Variants in TOX3 observed in about 807,000 individuals in gnomAD.
TOX3 encodes CAG trinucleotide repeat-containing gene F9 protein.
Under a neutral mutation model 64.3 loss-of-function variants are expected in TOX3, and 22 were observed. The observed-to-expected ratio is 0.34, with a 90% CI of 0.24 to 0.49. TOX3 has a LOEUF of 0.49. Among genes scored for constraint, TOX3 ranks in the 20% least tolerant of loss-of-function variants. The pLI is 0.99. For synonymous variants in TOX3, 291 were observed against 273.6 expected, an observed-to-expected ratio of 1.06 and a Z score of -0.63; for missense variants, 661 against 714.4, an observed-to-expected ratio of 0.93 and a Z score of 0.85.
chr16:52,458,015 C>T (rs1960572816), intron 3 of TOX3, among the ~76,000 whole-genome samples: 1 of 152,108 alleles, frequency 6.6e-6, no homozygotes. Context: ...CCTGCAACTG[C>T]CTTTGTTTTA....
intron 3 of TOX3, among the ~76,000 whole-genome samples, chr16:52,460,347 A>C (rs1178795990): frequency 6.6e-6 from 1 of 152,192 alleles, no homozygotes; most frequent in Non-Finnish European, 1.5e-5. Context: ...GGGGCATACA[A>C]AATATCAGAC....
At chr16:52,485,246 G>GTGTATATATATATA (rs1555484130) in intron 1 of TOX3, among the ~76,000 whole-genome samples, 39 of 127,858 alleles carry the variant, frequency 3.1e-4, no homozygotes, top group African/African-American at 1.1e-3. Flanking sequence ...ATGTGTGTGT[G>GTGTATATATATATA]TATATATATA....
intron 1 of TOX3, among the ~76,000 whole-genome samples, chr16:52,498,189 A>T (rs992146756): frequency 6.6e-6 from 1 of 152,176 alleles, no homozygotes; most frequent in Non-Finnish European, 1.5e-5. Flanking sequence ...CAATCATGTC[A>T]TCAACCAAAA....
Position 52,483,564 on chromosome 16 carries a change from G to GTTTTTT in TOX3, c.88-14996_88-14991dup, listed in dbSNP as rs11304815. ...TTCCTCTATTAGACAGGGCAGTTTGGTTTTTTTTTTTTTTTTTTTTTTGAG... is the reference window on the plus strand; with the variant it reads ...TTCCTCTATTAGACAGGGCAGTTTGGTTTTTTTTTTTTTTTTTTTTTTTTTTTTGAG... On this transcript the variant is annotated intron_variant, in intron 1 of 6. Coordinates refer to ENST00000219746, the MANE Select transcript of TOX3 (RefSeq NM_001080430.4). 4.5e-4 allele frequency among the ~76,000 whole-genome samples: 45 copies of GTTTTTT among 99,444 alleles called. 1 individual carries two copies. The highest frequency in any genetic ancestry group is 4.9e-4 in the African/African-American group (12 of 24,722). 65.2% of individuals were successfully genotyped at this position (99,444 alleles called of 152,430 possible). A position where few individuals can be genotyped will look rare whatever the true frequency, so the allele number is the denominator to read the frequency against.
intron 3 of TOX3, among the ~76,000 whole-genome samples, chr16:52,461,609 C>T (rs1039168104): frequency 3.3e-5 from 5 of 152,096 alleles, no homozygotes. Flanking sequence ...GCTGGCTTTT[C>T]TTCTTATATG....
intron 4 of TOX3, among the ~76,000 whole-genome samples, chr16:52,446,925 C>G (rs1489999329): frequency 6.6e-6 from 1 of 152,022 alleles, no homozygotes; most frequent in African/African-American, 2.4e-5. Flanking sequence ...AAAAAAAGAG[C>G]AATAGTTGAT....
chr16:52,478,541 A>C (rs1961282882), intron 1 of TOX3, among the ~76,000 whole-genome samples: 1 of 152,156 alleles, frequency 6.6e-6, no homozygotes, highest in Admixed American at 6.5e-5. Flanking sequence ...TTATTTGTCC[A>C]TTCACTATTT....
intron 3 of TOX3, among the ~76,000 whole-genome samples, chr16:52,463,012 T>A (rs1341827784): frequency 2.6e-5 from 4 of 152,180 alleles, no homozygotes; most frequent in Admixed American, 1.3e-4. Flanking sequence ...AATCATATGT[T>A]GTTATCTGGG....
intron 1 of TOX3, among the ~76,000 whole-genome samples, chr16:52,545,797 C>T (rs1963163802): frequency 6.6e-6 from 1 of 152,056 alleles, no homozygotes; most frequent in Non-Finnish European, 1.5e-5. Flanking sequence ...CCGCGCGGCC[C>T]GGGTACCAGG....
intron 3 of TOX3, among the ~76,000 whole-genome samples, chr16:52,454,208 T>C (rs1048989745): frequency 6.6e-6 from 1 of 152,062 alleles, no homozygotes; most frequent in Admixed American, 6.5e-5. Context: ...CCATTTGTTT[T>C]ATAAATTGAG....
At chr16:52,475,046 G>T (rs931541016) in intron 1 of TOX3, among the ~76,000 whole-genome samples, 2 of 151,992 alleles carry the variant, frequency 1.3e-5, no homozygotes, top group Non-Finnish European at 2.9e-5. Context: ...CCCTGCCTTT[G>T]GAGTCTTTTC....
intron 1 of TOX3, among the ~76,000 whole-genome samples, chr16:52,498,142 G>A (rs1050486407): frequency 6.6e-6 from 1 of 152,078 alleles, no homozygotes; most frequent in Non-Finnish European, 1.5e-5. Flanking sequence ...CATTCACGCT[G>A]CCTCTCCATT....
chr16:52,504,383 C>T (rs549769400), intron 1 of TOX3, among the ~76,000 whole-genome samples: 85 of 147,236 alleles, frequency 5.8e-4, no homozygotes, highest in African/African-American at 1.9e-3. Flanking sequence ...AGGAGAATGG[C>T]GTGAACCCAG....
intron 1 of TOX3, among the ~76,000 whole-genome samples, chr16:52,523,447 T>C (rs1476647589): frequency 6.6e-6 from 1 of 152,150 alleles, no homozygotes; most frequent in South Asian, 2.1e-4. Context: ...CTTACTTATT[T>C]TTCTCAAATA....
At chr16:52,453,585 T>C (rs1412941609) in intron 3 of TOX3, among the ~76,000 whole-genome samples, 2 of 152,242 alleles carry the variant, frequency 1.3e-5, no homozygotes, top group Non-Finnish European at 2.9e-5. Context: ...ATTTTAATTC[T>C]GACTGTATAA....
At chr16:52,498,605 A>T (rs566072203) in intron 1 of TOX3, among the ~76,000 whole-genome samples, 1 of 152,140 alleles carries the variant, frequency 6.6e-6, no homozygotes, top group South Asian at 2.1e-4. Context: ...GGGAGGCTGT[A>T]TTTTCTAACA....
intron 1 of TOX3, among the ~76,000 whole-genome samples, chr16:52,521,625 G>A (rs769663801): frequency 5.3e-5 from 8 of 152,314 alleles, no homozygotes; most frequent in East Asian, 1.9e-4. Flanking sequence ...TCAACTGTGC[G>A]TACACAGCTT....
At chr16:52,487,751 G>C (rs1961570586) in intron 1 of TOX3, among the ~76,000 whole-genome samples, 1 of 152,124 alleles carries the variant, frequency 6.6e-6, no homozygotes, top group Non-Finnish European at 1.5e-5. Context: ...ATATTAACTG[G>C]GAATTTAAAG....
chr16:52,470,236 T>C lies in TOX3; in HGVS notation c.88-1662A>G, dbSNP rs577533100. Among the ~76,000 whole-genome samples, 4 of 152,356 alleles carry C rather than the reference T, an allele frequency of 2.6e-5. No individual in the cohort carries two copies. The East Asian group carries it at 7.7e-4, about 29-fold the overall frequency. Reference sequence around the variant, plus strand: ...GAAATTTTTGATGAATGAATGATGCTAGAGTTAAAATCTCAGGTCTCCATG... The same window carrying C: ...GAAATTTTTGATGAATGAATGATGCCAGAGTTAAAATCTCAGGTCTCCATG... On this transcript the variant is annotated intron_variant, in intron 1 of 6. Coordinates refer to ENST00000219746, the MANE Select transcript of TOX3 (RefSeq NM_001080430.4).
Sources: allele counts gnomAD v4.1 joint callset (sites outside exome capture counted in the v4.1 genomes callset), GRCh38; gene constraint gnomAD v4.1.1; transcripts MANE v1.5; gene names NCBI Gene and HGNC (gene_info 2026-07-23, HGNC 2026-07-21).